Variants in TTC34 observed in about 807,000 individuals in gnomAD.
TTC34 encodes tetratricopeptide repeat protein 34.
A neutral mutation model predicts 40.7 loss-of-function variants in TTC34; 44 were observed. The observed-to-expected ratio is 1.08, with a 90% CI of 0.85 to 1.39. TTC34 has a LOEUF of 1.39. Among genes scored for constraint, TTC34 ranks in the 40% most tolerant of loss-of-function variants. The pLI, the probability that TTC34 is intolerant of heterozygous loss-of-function variation, is 0.00. For synonymous variants in TTC34, 422 were observed against 398.6 expected, an observed-to-expected ratio of 1.06 and a Z score of -0.70; for missense variants, 884 against 838.0, an observed-to-expected ratio of 1.05 and a Z score of -0.68.
At chr1:2,750,448 C>G (rs1181858041) in intron 6 of TTC34, among the ~76,000 whole-genome samples, 7 of 97,598 alleles carry the variant, frequency 7.2e-5, no homozygotes, top group Non-Finnish European at 7.7e-5. Context: ...CCCACACACC[C>G]AGGCGAGTAT....
At chr1:2,698,797 A>C (rs1424688198) in intron 6 of TTC34, among the ~76,000 whole-genome samples, 1 of 148,762 alleles carries the variant, frequency 6.7e-6, no homozygotes, top group Non-Finnish European at 1.5e-5. Flanking sequence ...ATCGTGGAGC[A>C]GCACCCCACA....
At chr1:2,752,782 A>T (rs1218235409) in intron 6 of TTC34, among the ~76,000 whole-genome samples, 2 of 68,642 alleles carry the variant, frequency 2.9e-5, no homozygotes, top group African/African-American at 6.8e-5. Context: ...ACGCCCAGAT[A>T]AGCATGTGAC....
chr1:2,695,023 G>A (rs1167170114), intron 6 of TTC34, among the ~76,000 whole-genome samples: 134 of 151,868 alleles, frequency 8.8e-4, no homozygotes, highest in Non-Finnish European at 1.7e-3. Context: ...GCCTGGAACA[G>A]CACCCTGCAC....
rs921129916 is a variant in TTC34, at chr1:2,641,531, C to T, written c.3077G>A (p.Arg1026His). The T allele has an allele frequency of 1.0e-5, 16 of 1,534,734 alleles. No homozygotes were observed. Among genetic ancestry groups the T allele is most frequent in the South Asian group, 1.2e-5 (1 of 83,954 alleles). ...GCACTGCCCGCGGAGAAGGAACATG[C>T]GTGCAGTGGGGGCCCGGCCTGGCTG... The change falls in exon 9 of 9, where the codon CGC becomes CAC. Residue 1026 changes from arginine (R) to histidine (H), a missense_variant. Transcript: ENST00000401095.
At chr1:2,686,634 A>G (rs1640363318) in intron 6 of TTC34, among the ~76,000 whole-genome samples, 1 of 151,272 alleles carries the variant, frequency 6.6e-6, no homozygotes, top group Non-Finnish European at 1.5e-5. Flanking sequence ...ATGTAACAGC[A>G]CCCACACACC....
Position 2,752,031 on chromosome 1 carries a change from C to T in TTC34, c.2226+31578G>A, listed in dbSNP as rs1401593400. Among the ~76,000 whole-genome samples, 16 of 117,472 alleles carry T rather than the reference C, an allele frequency of 1.4e-4. 5 individuals carry two copies. The highest frequency in any genetic ancestry group is 4.6e-4 in the African/African-American group (12 of 26,338). The allele number at this position is 117,472 out of a possible 152,430, so 77.1% of individuals were successfully genotyped here. A position where few individuals can be genotyped will look rare whatever the true frequency, so the allele number is the denominator to read the frequency against. ...ACACACCCAGCTGAGCATCTGACAG[C>T]GTGGAGCAGCACCGACACCCCCAGG... On this transcript the variant is annotated intron_variant, in intron 6 of 8. Transcript: ENST00000401095.
intron 6 of TTC34, among the ~76,000 whole-genome samples, chr1:2,649,191 G>A (rs1419424904): frequency 6.6e-6 from 1 of 151,342 alleles, no homozygotes; most frequent in African/African-American, 2.4e-5. Context: ...TGACAGCCTA[G>A]AACAGCATTC....
At chr1:2,687,526 C>A (rs576104487) in intron 6 of TTC34, among the ~76,000 whole-genome samples, 6 of 146,578 alleles carry the variant, frequency 4.1e-5, no homozygotes, top group African/African-American at 2.7e-5. Context: ...GCACCCACAC[C>A]CCCAGGTGAG....
chr1:2,688,081 C>A (rs997721787), intron 6 of TTC34, among the ~76,000 whole-genome samples: 4 of 151,964 alleles, frequency 2.6e-5, no homozygotes, highest in Admixed American at 6.5e-5. Flanking sequence ...GGAACAGCAC[C>A]CTGCACCCCC....
chr1:2,781,546 A>T (rs189090100), intron 6 of TTC34, among the ~76,000 whole-genome samples: 1 of 152,306 alleles, frequency 6.6e-6, no homozygotes, highest in African/African-American at 2.4e-5. Flanking sequence ...TCTGGCTATA[A>T]CTTCCAGTGC....
chr1:2,769,598 G>A (rs1419741450), intron 6 of TTC34, among the ~76,000 whole-genome samples: 1 of 120,126 alleles, frequency 8.3e-6, no homozygotes, highest in Non-Finnish European at 1.7e-5. Context: ...ACCTCCAGGG[G>A]GAGCATCTGA....
chr1:2,754,823 A>T (rs1641451243), intron 6 of TTC34, among the ~76,000 whole-genome samples: 1 of 151,588 alleles, frequency 6.6e-6, no homozygotes, highest in African/African-American at 2.4e-5. Context: ...CCACACCCCC[A>T]GGTGAGCATC....
intron 6 of TTC34, among the ~76,000 whole-genome samples, chr1:2,700,069 G>A (rs951609748): frequency 2.5e-5 from 3 of 121,586 alleles, no homozygotes; most frequent in African/African-American, 8.0e-5. Context: ...GTGAGCATAT[G>A]ACCACCTGGA....
chr1:2,798,018 C>T (rs546423108), intron 2 of TTC34, among the ~76,000 whole-genome samples: 19 of 151,844 alleles, frequency 1.3e-4, no homozygotes, highest in African/African-American at 4.6e-4. Flanking sequence ...CTCAGCTGCC[C>T]AGCATCCAAG....
chr1:2,748,496 C>A (rs1242866460), intron 6 of TTC34, among the ~76,000 whole-genome samples: 1 of 21,806 alleles, frequency 4.6e-5, no homozygotes, highest in Admixed American at 4.8e-4. Flanking sequence ...GGTGAGCATC[C>A]GATAGCCTGG....
intron 2 of TTC34, among the ~76,000 whole-genome samples, 177 bp from the exon 3 acceptor site, chr1:2,790,523 T>A (rs1000388732): frequency 1.3e-5 from 2 of 152,120 alleles, no homozygotes; most frequent in African/African-American, 4.8e-5. Context: ...GGACACCAGC[T>A]GGCAGGAGGC....
rs576525402 is a variant in TTC34 at position 2,681,623 on chromosome 1, C to G, written c.2227-36060G>C. 1.0e-4 allele frequency among the ~76,000 whole-genome samples: 7 copies of G among 67,460 alleles called. 3 individuals carry two copies. Among genetic ancestry groups the G allele is most frequent in the East Asian group, 1.0e-3 (3 of 2,958 alleles). 44.3% of individuals were successfully genotyped at this position (67,460 alleles called of 152,430 possible). ...ATCAGACAGCCTGGAACCGCAGCCA[C>G]ACCCCCAGCGAGCACCTGACAGCCT... On this transcript the variant is annotated intron_variant, in intron 6 of 8. Coordinates refer to ENST00000401095, the Ensembl canonical transcript of TTC34.
chr1:2,643,688 C>A (rs1638960514), intron 8 of TTC34, among the ~76,000 whole-genome samples: 1 of 152,206 alleles, frequency 6.6e-6, no homozygotes, highest in Admixed American at 6.5e-5. Flanking sequence ...CAGCACCGAA[C>A]TGCCCCTTAC....
At chr1:2,682,019 C>A (rs1265911390) in intron 6 of TTC34, among the ~76,000 whole-genome samples, 1 of 118,780 alleles carries the variant, frequency 8.4e-6, no homozygotes, top group Non-Finnish European at 1.8e-5. Flanking sequence ...TGGAACAACA[C>A]CCATACCCAC....
Sources: allele counts gnomAD v4.1 joint callset (sites outside exome capture counted in the v4.1 genomes callset), GRCh38; gene constraint gnomAD v4.1.1; transcripts MANE v1.5; gene names NCBI Gene and HGNC (gene_info 2026-07-23, HGNC 2026-07-21).